Variants in GSAP observed in about 807,000 individuals in gnomAD.
The protein encoded by GSAP is gamma-secretase activating protein.
Under a neutral mutation model 131.7 loss-of-function variants are expected in GSAP, and 118 were observed. The observed-to-expected ratio is 0.90, with a 90% CI of 0.77 to 1.04. The LOEUF is 1.04. Ranked by LOEUF, GSAP falls within the 50% of genes least tolerant of loss-of-function variation. The pLI, the probability that GSAP is intolerant of heterozygous loss-of-function variation, is 0.00. For synonymous variants in GSAP, 381 were observed against 363.4 expected (o/e 1.05, Z -0.55); for missense variants, 1,019 against 1,013.2 (o/e 1.01, Z -0.08).
intron 3 of GSAP, among the ~76,000 whole-genome samples, chr7:77,399,865 A>G (rs189100739): frequency 6.6e-6 from 1 of 152,258 alleles, no homozygotes; most frequent in Non-Finnish European, 1.5e-5. Context: ...CTGATGAATG[A>G]CATACTGGTG....
intron 12 of GSAP, among the ~76,000 whole-genome samples, chr7:77,367,993 G>A (rs1795566902): frequency 6.6e-6 from 1 of 152,190 alleles, no homozygotes; most frequent in African/African-American, 2.4e-5. Context: ...GTACTTAGAG[G>A]TGTTCTCAGT....
intron 1 of GSAP, among the ~76,000 whole-genome samples, chr7:77,412,815 G>A (rs920526000): frequency 2.0e-5 from 3 of 151,606 alleles, no homozygotes; most frequent in Admixed American, 6.6e-5. Context: ...GAGCTGTCAC[G>A]GGCTTGTGAG....
chr7:77,381,548 T>C (rs1797811866), intron 7 of GSAP, among the ~76,000 whole-genome samples, 194 bp from the exon 8 acceptor site: 1 of 152,154 alleles, frequency 6.6e-6, no homozygotes, highest in Non-Finnish European at 1.5e-5. Flanking sequence ...TTCTCCATCC[T>C]CCCTTTACAG....
chr7:77,367,060 C>T (rs755019887), intron 12 of GSAP, among the ~76,000 whole-genome samples: 34 of 152,258 alleles, frequency 2.2e-4, no homozygotes, highest in Admixed American at 4.6e-4. Flanking sequence ...CTAGAGATTT[C>T]TGTACATTGA....
chr7:77,343,957 T>TCC (rs1791404049), intron 19 of GSAP, among the ~76,000 whole-genome samples: 1 of 151,842 alleles, frequency 6.6e-6, no homozygotes, highest in Non-Finnish European at 1.5e-5. Context: ...TTAGGCCCCC[T>TCC]CCCTTCCCTA....
chr7:77,350,427 T>TAAA (rs751767423), intron 18 of GSAP, among the ~76,000 whole-genome samples: 3 of 133,652 alleles, frequency 2.2e-5, no homozygotes, highest in African/African-American at 8.3e-5. Flanking sequence ...GTATAATAAT[T>TAAA]AAAAAAAAAA....
At chr7:77,379,356 T>C (rs1584611521) in intron 8 of GSAP, among the ~76,000 whole-genome samples, 1 of 150,838 alleles carries the variant, frequency 6.6e-6, no homozygotes, top group Non-Finnish European at 1.5e-5. Context: ...ATATGTGGAA[T>C]TGCATATTCT....
At chr7:77,335,062 G>A (rs993394035) in intron 19 of GSAP, among the ~76,000 whole-genome samples, 14 of 149,880 alleles carry the variant, frequency 9.3e-5, no homozygotes, top group East Asian at 8.0e-4. Flanking sequence ...CAGCCTGGGC[G>A]ACAGAGCAAG....
chr7:77,330,565 TTCTG>T (rs1158367655), intron 19 of GSAP, 198 bp from the exon 20 acceptor site: 13 of 1,134,784 alleles, frequency 1.1e-5, no homozygotes, highest in Non-Finnish European at 1.3e-5. Flanking sequence ...CCACTTCATT[TTCTG>T]TCTCTTTTTT....
chr7:77,350,208 A>T (rs1489639386), intron 18 of GSAP, among the ~76,000 whole-genome samples: 1 of 138,730 alleles, frequency 7.2e-6, no homozygotes, highest in African/African-American at 2.7e-5. Flanking sequence ...TCACTCATAG[A>T]TGGGAACTGA....
intron 14 of GSAP, among the ~76,000 whole-genome samples, chr7:77,357,569 GGAA>G (rs144545077): frequency 0.031 from 4,729 of 152,174 alleles, 239 homozygotes; most frequent in African/African-American, 0.1. Flanking sequence ...GGCCACACTG[GGAA>G]GAAGAAGAAT....
intron 6 of GSAP, among the ~76,000 whole-genome samples, chr7:77,386,842 A>G (rs1437821160): frequency 6.6e-6 from 1 of 152,240 alleles, no homozygotes; most frequent in Non-Finnish European, 1.5e-5. Flanking sequence ...TTCACCACTC[A>G]GCATGTATCT....
At chr7:77,415,462 C>G (rs1804188061) in intron 1 of GSAP, 1 of 152,214 alleles carries the variant, frequency 6.6e-6, no homozygotes, top group Non-Finnish European at 1.5e-5. Context: ...TTCTTTAAAA[C>G]AGATCAGTGC....
At chr7:77,337,831 T>C (rs1431091510) in intron 19 of GSAP, among the ~76,000 whole-genome samples, 3 of 152,206 alleles carry the variant, frequency 2.0e-5, no homozygotes, top group South Asian at 2.1e-4. Context: ...TGTGGTTGAA[T>C]AGTTTTAATG....
intron 10 of GSAP, among the ~76,000 whole-genome samples, chr7:77,376,405 T>C (rs1295780805): frequency 6.6e-6 from 1 of 152,184 alleles, no homozygotes; most frequent in Non-Finnish European, 1.5e-5. Flanking sequence ...GAACTAATTT[T>C]ACTTGCTCAT....
chr7:77,386,628 C>T (rs1332601506), intron 6 of GSAP, among the ~76,000 whole-genome samples: 2 of 152,178 alleles, frequency 1.3e-5, no homozygotes, highest in Non-Finnish European at 1.5e-5. Context: ...AGCCTTCTTG[C>T]ACTTAGGAAC....
intron 18 of GSAP, among the ~76,000 whole-genome samples, chr7:77,352,552 A>G (rs1793041365): frequency 6.6e-6 from 1 of 152,204 alleles, no homozygotes; most frequent in Non-Finnish European, 1.5e-5. Flanking sequence ...ATGGGGCTGG[A>G]AAAAGGGGTC....
intron 1 of GSAP, among the ~76,000 whole-genome samples, chr7:77,412,178 G>C (rs1255367145): frequency 6.6e-6 from 1 of 152,174 alleles, no homozygotes; most frequent in African/African-American, 2.4e-5. Context: ...ACTCTCAAAA[G>C]AAAGTTGTCA....
intron 3 of GSAP, among the ~76,000 whole-genome samples, chr7:77,398,559 A>G (rs2151140494): frequency 6.6e-6 from 1 of 152,312 alleles, no homozygotes; most frequent in South Asian, 2.1e-4. Context: ...TATCAAATAA[A>G]AAGTCAAAGC....
Sources: gnomAD v4.1 joint callset for allele counts (sites outside exome capture counted in the v4.1 genomes callset) on GRCh38, gnomAD v4.1.1 for gene constraint, MANE v1.5 for transcripts, NCBI Gene and HGNC (gene_info 2026-07-23, HGNC 2026-07-21) for gene names.